The following ABCD3 variants were observed in gnomAD, a reference collection of about 807,000 sequenced individuals.
ABCD3 encodes ATP binding cassette subfamily D member 3, also known as ATP-binding cassette sub-family D member 3.
In ABCD3, 41 loss-of-function variants were observed where a neutral mutation model predicts 105.5. That is an observed-to-expected ratio of 0.39 (90% CI 0.30 to 0.50). ABCD3 has a LOEUF of 0.50. Ranked by LOEUF, ABCD3 falls within the 20% of genes least tolerant of loss-of-function variation. ABCD3 has a pLI of 0.84. For synonymous variants in ABCD3, 258 were observed against 269.0 expected (o/e 0.96, Z 0.40); for missense variants, 622 against 806.3 (o/e 0.77, Z 2.77).
chr1:94,476,061 G>A (rs1349650869), intron 7 of ABCD3, among the ~76,000 whole-genome samples: 1 of 152,118 alleles, frequency 6.6e-6, no homozygotes, highest in East Asian at 1.9e-4. Context: ...GAGATTGACT[G>A]TCAATTTATG....
In ABCD3 at chr1:94,487,961, C is replaced by T. The variant is rs947804378; in HGVS notation, c.1135C>T (p.Arg379Cys). 3.7e-6 allele frequency: 6 copies of T among 1,613,222 alleles called. No individual in the cohort carries two copies. The highest frequency in any genetic ancestry group is 3.4e-6 in the Non-Finnish European group (4 of 1,179,604). ...TCTGGGTCGAATAGTTTTGGCTGGG[C>T]GTGAAATGACTAGATTGGCCGGGTA... ...QALGRIVLAG[R>C]EMTRLAGFTA... The change falls in exon 13 of 23, where the codon CGT (arginine) becomes TGT (cysteine). Residue 379 changes from arginine to cysteine, a missense_variant. This residue lies in a region of ABCD3 where 285 missense variants were observed against 352.5 expected (regional missense o/e 0.81). Transcript: ENST00000370214.
chr1:94,462,635 C>T (rs1462894411), intron 2 of ABCD3, among the ~76,000 whole-genome samples: 2 of 152,156 alleles, frequency 1.3e-5, no homozygotes, highest in African/African-American at 4.8e-5. Flanking sequence ...TAAAGTGTTT[C>T]AACGTTACTC....
At position 94,491,191 on chromosome 1, in the gene ABCD3, C is replaced by A; in HGVS notation, c.1330C>A (p.His444Asn). The part of the protein sequence containing the change: ...IIADNIIKFD[H>N]VPLATPNGDV... ...TAAAAATTTCCTCTATAGGTTTGAT[C>A]ATGTTCCTTTAGCAACGCCAAATGG... Residue 444 changes from histidine (H) to asparagine (N), a missense_variant, in exon 16 of 23, where the codon CAT becomes AAT. His to Asn is a moderately conservative substitution (Grantham distance 68). Transcript: ENST00000370214. The A allele has an allele frequency of 6.2e-7, 1 of 1,611,172 alleles. No individual in the cohort carries two copies. Among genetic ancestry groups the A allele is most frequent in the Middle Eastern group, 1.7e-4 (1 of 6,028 alleles).
intron 1 of ABCD3, among the ~76,000 whole-genome samples, chr1:94,434,954 C>T (rs919749763): frequency 2.6e-5 from 4 of 151,984 alleles, no homozygotes; most frequent in Admixed American, 1.3e-4. Context: ...TTCCTGAAAA[C>T]TATAATTTAG....
intron 21 of ABCD3, among the ~76,000 whole-genome samples, chr1:94,510,579 T>C (rs1048520512): frequency 1.3e-5 from 2 of 152,210 alleles, no homozygotes; most frequent in African/African-American, 4.8e-5. Context: ...TGACTAATGT[T>C]GACAGTGGGG....
At chr1:94,442,521 A>G (rs1441159983) in intron 1 of ABCD3, among the ~76,000 whole-genome samples, 1 of 152,216 alleles carries the variant, frequency 6.6e-6, no homozygotes. Flanking sequence ...GATTTCTTAC[A>G]TGCATATATT....
intron 7 of ABCD3, among the ~76,000 whole-genome samples, chr1:94,477,482 C>T (rs1393583584): frequency 6.6e-6 from 1 of 151,842 alleles, no homozygotes; most frequent in African/African-American, 2.4e-5. Context: ...AAAAATTACC[C>T]AGGCATGGTA....
rs1649793753 is a variant in ABCD3 at position 94,496,265 on chromosome 1, C to T, written c.1387-2337C>T. ...ACTCTCCTTCCTTCCTCTCCCTTGC[C>T]CCTGGTAACCTCTCATGCTGTCTGT... On this transcript the variant is annotated intron_variant, in intron 16 of 22. Transcript: ENST00000370214. Among the ~76,000 whole-genome samples the T allele has an allele frequency of 5.3e-5, 8 of 152,108 alleles. No individual in the cohort carries two copies. The South Asian group carries it at 1.7e-3, about 32-fold the overall frequency.
chr1:94,420,975 C>A (rs979952515), intron 1 of ABCD3, among the ~76,000 whole-genome samples: 1 of 151,998 alleles, frequency 6.6e-6, no homozygotes, highest in Non-Finnish European at 1.5e-5. Context: ...TAACATTATT[C>A]CAAACATTGG....
At chr1:94,401,337 C>T in the ABCD3 span, among the ~76,000 whole-genome samples, 7 of 152,368 alleles carry the variant, frequency 4.6e-5, no homozygotes, top group Middle Eastern at 3.4e-3. Flanking sequence ...ATTTCCAATA[C>T]GGAATGGTGC....
chr1:94,470,908 C>T (rs559080008), intron 4 of ABCD3, among the ~76,000 whole-genome samples: 1 of 152,114 alleles, frequency 6.6e-6, no homozygotes, highest in East Asian at 1.9e-4. Flanking sequence ...TATTTTTTCA[C>T]CTCTGAAGCT....
Position 94,489,772 on chromosome 1 carries a change from A to G in ABCD3, c.1205A>G (p.Asn402Ser), listed in dbSNP as rs961655439. ...TELMQVLKDL[N>S]HGKYERTMVS... ...TTAATGCAAGTACTGAAGGATTTAA[A>G]TCATGGCAAATATGAGCGCACAATG... is the stretch of plus-strand genomic sequence containing the variant. Residue 402 changes from asparagine to serine, a missense_variant, in exon 14 of 23, where the codon AAT becomes AGT. Asn to Ser is a conservative substitution (Grantham distance 46, BLOSUM62 1). Coordinates refer to ENST00000370214, the MANE Select transcript of ABCD3 (RefSeq NM_002858.4). 3.1e-6 allele frequency: 5 copies of G among 1,613,222 alleles called. No individual in the cohort carries two copies. The highest frequency in any genetic ancestry group is 4.2e-6 in the Non-Finnish European group (5 of 1,179,504).
chr1:94,400,360 C>T, the ABCD3 span, among the ~76,000 whole-genome samples: 13,722 of 150,624 alleles, frequency 0.091, 717 homozygotes, highest in South Asian at 0.16. Context: ...GCCGAGATCG[C>T]GCCACTGCAC....
At chr1:94,436,359 C>T (rs111498768) in intron 1 of ABCD3, among the ~76,000 whole-genome samples, 12 of 152,176 alleles carry the variant, frequency 7.9e-5, no homozygotes, top group South Asian at 2.1e-4. Context: ...TATTCAGTTG[C>T]GTTATCCCAC....
intron 1 of ABCD3, among the ~76,000 whole-genome samples, chr1:94,426,848 A>ATTT (rs67942477): frequency 7.6e-6 from 1 of 131,616 alleles, no homozygotes. Context: ...CCCAGCCTGA[A>ATTT]TTTTTTTTTT....
chr1:94,466,951 A>T (rs1292198169), intron 3 of ABCD3, among the ~76,000 whole-genome samples: 1 of 152,152 alleles, frequency 6.6e-6, no homozygotes, highest in Non-Finnish European at 1.5e-5. Flanking sequence ...AGAAAATTTA[A>T]GATCAGCTTT....
In ABCD3 at chr1:94,486,532, A is replaced by G. The variant is rs555812430; in HGVS notation, c.898-1010A>G. 2.8e-4 allele frequency among the ~76,000 whole-genome samples: 42 copies of G among 152,312 alleles called. No homozygotes were observed. The South Asian group carries it at 8.7e-3, about 32-fold the overall frequency. ...GAAGATACCAAGTTGTTAACAAGCT[A>G]CCCTGTACTCAGGAAGCCACATTTT... On this transcript the variant is annotated intron_variant, in intron 10 of 22. Transcript: ENST00000370214.
intron 1 of ABCD3, among the ~76,000 whole-genome samples, chr1:94,443,166 T>C (rs903324868): frequency 6.6e-6 from 1 of 152,168 alleles, no homozygotes; most frequent in Admixed American, 6.5e-5. Context: ...TTTTGACTGG[T>C]ATAGGATGGT....
intron 21 of ABCD3, among the ~76,000 whole-genome samples, chr1:94,509,465 T>C (rs1276240377): frequency 1.3e-5 from 2 of 152,198 alleles, no homozygotes; most frequent in Non-Finnish European, 2.9e-5. Flanking sequence ...TGGTTGTGTC[T>C]CTGCCTGGCT....
Sources: gnomAD v4.1 joint callset for allele counts (sites outside exome capture counted in the v4.1 genomes callset) on GRCh38, gnomAD v4.1.1 for gene constraint, gnomAD v4.1.1 regional missense constraint, MANE v1.5 for transcripts, NCBI Gene and HGNC (gene_info 2026-07-23, HGNC 2026-07-21) for gene names.